ADGRL3: variants seen among roughly 807,000 people sequenced by gnomAD.
ADGRL3 encodes adhesion G protein-coupled receptor L3.
A neutral mutation model predicts 153.5 loss-of-function variants in ADGRL3; 62 were observed. That is an observed-to-expected ratio of 0.40 (90% CI 0.33 to 0.50). The LOEUF (loss-of-function observed/expected upper bound fraction) is 0.50. Among genes scored for constraint, ADGRL3 ranks in the 20% least tolerant of loss-of-function variants. ADGRL3 has a pLI of 0.47. For missense variants in ADGRL3, 1,641 were observed against 1,859.4 expected (o/e 0.88, Z 2.16); for synonymous variants, 710 against 672.5 (o/e 1.06, Z -0.86).
intron 6 of ADGRL3, among the ~76,000 whole-genome samples, chr4:61,687,789 T>C (rs2095472906): frequency 6.6e-6 from 1 of 152,070 alleles, no homozygotes; most frequent in Non-Finnish European, 1.5e-5. Context: ...GAGTTTTCCA[T>C]TTATATTTTC....
At chr4:61,486,314 A>C (rs1017505516) in intron 2 of ADGRL3, among the ~76,000 whole-genome samples, 1 of 152,132 alleles carries the variant, frequency 6.6e-6, no homozygotes, top group Non-Finnish European at 1.5e-5. Flanking sequence ...ATTTCACAGG[A>C]TAAGGATGAT....
At chr4:61,676,768 T>G in intron 5 of ADGRL3, 58 bp from the exon 6 acceptor site, 1 of 1,136,556 alleles carries the variant, frequency 8.8e-7, no homozygotes, top group Non-Finnish European at 1.3e-6. Flanking sequence ...GTGTTGATGT[T>G]GATAATAATT....
At position 61,200,993 on chromosome 4, in the gene ADGRL3, C is replaced by T. The variant is rs1734495489; in HGVS notation, c.-1012C>T. 6.6e-6 allele frequency among the ~76,000 whole-genome samples: 1 copy of T among 152,108 alleles called. No individual in the cohort carries two copies. ...GAAGGAGTTTGTGTGGCTCTCGCTC[C>T]GGCTGTCCGCGGAGGTTGCGGGCTT... is the stretch of plus-strand genomic sequence containing the variant. On this transcript the variant is annotated 5_prime_UTR_variant, in exon 1 of 27. Coordinates refer to ENST00000683033, the MANE Select transcript of ADGRL3 (RefSeq NM_001387552.1).
intron 1 of ADGRL3, among the ~76,000 whole-genome samples, chr4:61,269,465 G>T (rs1337365261): frequency 1.3e-5 from 2 of 151,592 alleles, no homozygotes; most frequent in Non-Finnish European, 3.0e-5. Flanking sequence ...GACAGGTAGA[G>T]AAATAATCAT....
At position 61,966,232 on chromosome 4, in the gene ADGRL3, C is replaced by A. The variant is rs1382237245; in HGVS notation, c.2806-13331C>A. Among the ~76,000 whole-genome samples the A allele has an allele frequency of 8.5e-5, 13 of 152,094 alleles. No individual in the cohort carries two copies. In the East Asian group the frequency reaches 2.5e-3, roughly 29 times the overall value. ...TTCAGTACCTGGCACATAATAGGTA[C>A]CCAATAAATATTCTTAGAATGAATC... On this transcript the variant is annotated intron_variant, in intron 17 of 26. Transcript: ENST00000683033.
At chr4:61,258,517 T>C (rs1378750587) in intron 1 of ADGRL3, among the ~76,000 whole-genome samples, 1 of 152,200 alleles carries the variant, frequency 6.6e-6, no homozygotes, top group Non-Finnish European at 1.5e-5. Flanking sequence ...GCAAATAGCA[T>C]CTGCCTCCGG....
At chr4:61,526,608 T>C (rs969209460) in intron 4 of ADGRL3, among the ~76,000 whole-genome samples, 1 of 151,888 alleles carries the variant, frequency 6.6e-6, no homozygotes, top group Non-Finnish European at 1.5e-5. Flanking sequence ...TGAGACCCTG[T>C]CTTTATAAAA....
intron 9 of ADGRL3, among the ~76,000 whole-genome samples, chr4:61,850,668 T>G (rs2149143701): frequency 6.6e-6 from 1 of 152,340 alleles, no homozygotes; most frequent in South Asian, 2.1e-4. Context: ...TTTGCAGCAT[T>G]GTAAACTTAA....
chr4:61,377,628 A>G (rs2096619393), intron 1 of ADGRL3, among the ~76,000 whole-genome samples: 1 of 152,028 alleles, frequency 6.6e-6, no homozygotes, highest in South Asian at 2.1e-4. Flanking sequence ...AATCAGTGAG[A>G]TTTTAAATAA....
intron 5 of ADGRL3, among the ~76,000 whole-genome samples, chr4:61,639,808 A>G (rs2093586726): frequency 6.6e-6 from 1 of 152,186 alleles, no homozygotes; most frequent in Non-Finnish European, 1.5e-5. Flanking sequence ...TCAATCATAT[A>G]GCCCATATTA....
intron 1 of ADGRL3, among the ~76,000 whole-genome samples, chr4:61,219,779 C>T (rs1183205727): frequency 1.3e-5 from 2 of 152,242 alleles, no homozygotes; most frequent in Non-Finnish European, 2.9e-5. Context: ...CCATGACTTT[C>T]GATTATTTCT....
intron 20 of ADGRL3, 94 bp from the exon 21 acceptor site, chr4:61,998,080 A>G (rs1291607576): frequency 7.7e-6 from 4 of 522,200 alleles, no homozygotes; most frequent in Non-Finnish European, 1.3e-5. Context: ...AGTGAGACCT[A>G]ATTTCCCAGA....
intron 2 of ADGRL3, among the ~76,000 whole-genome samples, chr4:61,388,498 C>A (rs2096766499): frequency 6.6e-6 from 1 of 152,206 alleles, no homozygotes; most frequent in African/African-American, 2.4e-5. Flanking sequence ...TGGCTCCATT[C>A]TTACAGTTCT....
chr4:62,026,729 G>T (rs2151449993), intron 21 of ADGRL3, among the ~76,000 whole-genome samples: 1 of 151,978 alleles, frequency 6.6e-6, no homozygotes, highest in South Asian at 2.1e-4. Flanking sequence ...GAGACATAAG[G>T]TACATGAGGG....
At chr4:61,529,432 C>A (rs1199318856) in intron 4 of ADGRL3, among the ~76,000 whole-genome samples, 1 of 152,158 alleles carries the variant, frequency 6.6e-6, no homozygotes, top group African/African-American at 2.4e-5. Context: ...TCAGTTTACA[C>A]CTGCTATTCT....
intron 13 of ADGRL3, among the ~76,000 whole-genome samples, chr4:61,934,342 A>G (rs2098829552): frequency 6.6e-6 from 1 of 152,324 alleles, no homozygotes; most frequent in South Asian, 2.1e-4. Flanking sequence ...CTAAAAACAA[A>G]TAGGTTTGCT....
intron 17 of ADGRL3, among the ~76,000 whole-genome samples, chr4:61,976,160 G>A (rs1164904106): frequency 6.6e-6 from 1 of 152,046 alleles, no homozygotes; most frequent in Admixed American, 6.6e-5. Context: ...TGCTCTCAAG[G>A]TACATAATGG....
At chr4:61,353,110 C>A (rs1578395560) in intron 1 of ADGRL3, among the ~76,000 whole-genome samples, 1 of 152,186 alleles carries the variant, frequency 6.6e-6, no homozygotes, top group East Asian at 1.9e-4. Flanking sequence ...TTTGCTGTTG[C>A]TTTTGGCAAA....
At chr4:61,213,212 A>G (rs1485110651) in intron 1 of ADGRL3, among the ~76,000 whole-genome samples, 3 of 152,186 alleles carry the variant, frequency 2.0e-5, no homozygotes, top group South Asian at 2.1e-4. Flanking sequence ...TGAGGGACTC[A>G]TAGTATCAAT....
Sources: allele counts gnomAD v4.1 joint callset (sites outside exome capture counted in the v4.1 genomes callset), GRCh38; gene constraint gnomAD v4.1.1; transcripts MANE v1.5; gene names NCBI Gene and HGNC (gene_info 2026-07-23, HGNC 2026-07-21).